The following BBX variants were observed in gnomAD, a reference collection of about 807,000 sequenced individuals.
BBX encodes BBX high mobility group box domain containing, also known as HMG box transcription factor BBX.
Under a neutral mutation model 100.2 loss-of-function variants are expected in BBX, and 30 were observed. That is an observed-to-expected ratio of 0.30 (90% CI 0.22 to 0.41). BBX has a LOEUF of 0.41. Ranked by LOEUF, BBX falls within the 10% of genes least tolerant of loss-of-function variation. The pLI is 1.00. For missense variants in BBX, 1,023 were observed against 1,129.8 expected, an observed-to-expected ratio of 0.91 and a Z score of 1.35; for synonymous variants, 376 against 388.1, an observed-to-expected ratio of 0.97 and a Z score of 0.37.
At chr3:107,532,457 T>G (rs763949868) in intron 2 of BBX, among the ~76,000 whole-genome samples, 29 of 152,232 alleles carry the variant, frequency 1.9e-4, no homozygotes, top group Non-Finnish European at 2.8e-4. Context: ...ATTGGGGTGT[T>G]CCTCATAAAC....
chr3:107,794,261 T>C (rs1430000812), intron 15 of BBX, among the ~76,000 whole-genome samples: 1 of 152,006 alleles, frequency 6.6e-6, no homozygotes, highest in African/African-American at 2.4e-5. Context: ...TTAAGGAGGG[T>C]TTATCAGCCC....
intron 4 of BBX, among the ~76,000 whole-genome samples, chr3:107,712,672 C>T (rs1330823485): frequency 1.3e-5 from 2 of 152,180 alleles, no homozygotes; most frequent in Non-Finnish European, 2.9e-5. Flanking sequence ...CTACCTCCCT[C>T]TCTCCCGGCC....
At chr3:107,764,287 C>A (rs544615031) in intron 10 of BBX, among the ~76,000 whole-genome samples, 2 of 152,312 alleles carry the variant, frequency 1.3e-5, no homozygotes, top group East Asian at 3.9e-4. Flanking sequence ...CCACCACGCC[C>A]AGCCAGCATT....
At chr3:107,791,382 TA>T (rs2069011798) in intron 15 of BBX, 83 bp downstream of exon 15, 4 of 1,192,210 alleles carry the variant, frequency 3.4e-6, no homozygotes, top group Middle Eastern at 3.9e-4. Context: ...AGGTATAATT[TA>T]TATAGGTTTA....
rs1475899524 is a variant in BBX, at chr3:107,809,082, T to C, written c.*3625T>C. 1 of 152,244 alleles carries C rather than the reference T, an allele frequency of 6.6e-6. No homozygotes were observed. The highest frequency in any genetic ancestry group is 1.5e-5 in the Non-Finnish European group (1 of 68,040). The allele number at this position is 152,244 out of a possible 1,614,324, so 9.4% of individuals were successfully genotyped here. ...TGCTACTGTAAGTCAGATAAAATTTTGTTTGCACTCTGCAGTCTTTGGCTC... is the reference window on the plus strand; with the variant it reads ...TGCTACTGTAAGTCAGATAAAATTTCGTTTGCACTCTGCAGTCTTTGGCTC... On this transcript the variant is annotated 3_prime_UTR_variant, in exon 18 of 18. Coordinates refer to ENST00000325805, the MANE Select transcript of BBX (RefSeq NM_001142568.3).
chr3:107,527,610 G>C (rs2047871769), intron 2 of BBX, among the ~76,000 whole-genome samples: 1 of 152,138 alleles, frequency 6.6e-6, no homozygotes, highest in African/African-American at 2.4e-5. Flanking sequence ...AAAATCTAGA[G>C]AACTTTAGAT....
intron 2 of BBX, among the ~76,000 whole-genome samples, chr3:107,640,954 C>T (rs1238480724): frequency 2.0e-5 from 3 of 152,172 alleles, no homozygotes; most frequent in East Asian, 1.9e-4. Flanking sequence ...TGAGCCAGCG[C>T]ACCCGGTCTG....
In BBX at chr3:107,772,761, A is replaced by G. The variant is rs982625851; in HGVS notation, c.1040A>G (p.Glu347Gly). Residue 347 changes from glutamate to glycine, a missense_variant, in exon 11 of 18, where the codon GAA (glutamate) becomes GGA (glycine). Coordinates refer to ENST00000325805, the MANE Select transcript of BBX (RefSeq NM_001142568.3). ...EKEIKMEKTD[E>G]TRLQKEAEFE... ...GAAATTAAAATGGAGAAAACAGATG[A>G]AACTAGGTTACAGAAGGAAGCAGAA... 4 of 1,613,068 alleles carry G rather than the reference A, an allele frequency of 2.5e-6. No homozygotes were observed. In the African/African-American group the frequency reaches 5.3e-5, roughly 22 times the overall value.
In BBX at chr3:107,721,434, G is replaced by A. The variant is rs150060002; in HGVS notation, c.405+4585G>A. Among the ~76,000 whole-genome samples, 1,095 of 151,620 alleles carry A rather than the reference G, an allele frequency of 7.2e-3. 10 individuals are homozygous for A. The highest frequency in any genetic ancestry group is 0.024 in the African/African-American group (1,002 of 41,356). ...CTAGCACTTGCCATTTCTCTCCTCC[G>A]TCAGCCCCTTTTGGCTACTTCTAAT... On this transcript the variant is annotated intron_variant, in intron 5 of 17. Transcript: ENST00000325805.
intron 3 of BBX, among the ~76,000 whole-genome samples, chr3:107,705,982 G>A (rs932806081): frequency 1.4e-5 from 2 of 147,978 alleles, no homozygotes; most frequent in African/African-American, 5.0e-5. Flanking sequence ...TTCTCATGAA[G>A]TCTGACCTCA....
chr3:107,718,960 C>A (rs1000505621), intron 5 of BBX, among the ~76,000 whole-genome samples: 1 of 151,992 alleles, frequency 6.6e-6, no homozygotes, highest in Non-Finnish European at 1.5e-5. Context: ...TAAGTGATTC[C>A]TACTTGTTTC....
At chr3:107,709,548 A>G (rs1030910560) in intron 3 of BBX, among the ~76,000 whole-genome samples, 3 of 152,206 alleles carry the variant, frequency 2.0e-5, no homozygotes, top group Non-Finnish European at 4.4e-5. Flanking sequence ...ATGGCATTTA[A>G]TTGTATTGTT....
chr3:107,759,075 CA>C (rs201445486), intron 10 of BBX, among the ~76,000 whole-genome samples: 3 of 151,910 alleles, frequency 2.0e-5, no homozygotes, highest in South Asian at 2.1e-4. Flanking sequence ...AGCAGGCAAA[CA>C]AAAAAAACTG....
intron 3 of BBX, among the ~76,000 whole-genome samples, chr3:107,658,208 A>G (rs2058253080): frequency 6.6e-6 from 1 of 152,130 alleles, no homozygotes; most frequent in Non-Finnish European, 1.5e-5. Context: ...GTAATCCATA[A>G]TGATTTACAA....
At chr3:107,716,551 A>C in intron 4 of BBX, 56 bp from the exon 5 acceptor site, 1 of 1,580,360 alleles carries the variant, frequency 6.3e-7, no homozygotes, top group South Asian at 1.1e-5. Flanking sequence ...ACTAACTGTT[A>C]AATCAAAATT....
chr3:107,610,783 T>TAGGTG (rs1385340471), intron 2 of BBX, among the ~76,000 whole-genome samples: 2 of 151,590 alleles, frequency 1.3e-5, no homozygotes, highest in African/African-American at 4.8e-5. Context: ...AACAGATCAT[T>TAGGTG]GGGTGTTTTT....
chr3:107,756,559 T>C (rs1205549509), intron 10 of BBX, among the ~76,000 whole-genome samples: 1 of 152,206 alleles, frequency 6.6e-6, no homozygotes, highest in African/African-American at 2.4e-5. Context: ...AATTGCTAAA[T>C]TTTATGGTAA....
chr3:107,578,185 T>A (rs971665184), intron 2 of BBX, among the ~76,000 whole-genome samples: 1 of 152,212 alleles, frequency 6.6e-6, no homozygotes, highest in African/African-American at 2.4e-5. Flanking sequence ...TTGTAAAGAA[T>A]CAGCTCTTCT....
chr3:107,536,481 C>A (rs958386090), intron 2 of BBX, among the ~76,000 whole-genome samples: 1 of 151,994 alleles, frequency 6.6e-6, no homozygotes. Context: ...GCTCTTCTTG[C>A]CTTGTTTTAG....
Sources: allele counts gnomAD v4.1 joint callset (sites outside exome capture counted in the v4.1 genomes callset), GRCh38; gene constraint gnomAD v4.1.1; transcripts MANE v1.5; gene names NCBI Gene and HGNC (gene_info 2026-07-23, HGNC 2026-07-21).